Variants in DOCK3 observed in about 807,000 individuals in gnomAD.
The protein encoded by DOCK3 is dedicator of cytokinesis protein 3.
A neutral mutation model predicts 265.6 loss-of-function variants in DOCK3; 60 were observed. The observed-to-expected ratio is 0.23, with a 90% CI of 0.18 to 0.28. The LOEUF is 0.28. Ranked by LOEUF, DOCK3 falls within the 10% of genes least tolerant of loss-of-function variation. DOCK3 has a pLI of 1.00. For synonymous variants in DOCK3, 881 were observed against 938.0 expected, an observed-to-expected ratio of 0.94 and a Z score of 1.11; for missense variants, 1,981 against 2,594.3, an observed-to-expected ratio of 0.76 and a Z score of 5.14.
chr3:51,349,602 G>T (rs565791122), intron 39 of DOCK3, among the ~76,000 whole-genome samples: 1 of 152,318 alleles, frequency 6.6e-6, no homozygotes, highest in East Asian at 1.9e-4. Context: ...TGGCTTGATT[G>T]AATGCATTAT....
Position 51,381,034 on chromosome 3 carries a change from A to G in DOCK3, c.5584-16A>G. On this transcript the variant is annotated splice_polypyrimidine_tract_variant and intron_variant, in intron 52 of 52. Transcript: ENST00000266037. The surrounding 1 kb of genome is among the most constrained non-coding windows in gnomAD (Gnocchi z 5.6). ...TGGAGAGAGGGATTCTAACATGCCC[A>G]CCCTTTCCTTCGCAGTCTCCTCTCC... The G allele has an allele frequency of 1.3e-6, 2 of 1,567,708 alleles. No individual in the cohort carries two copies. The highest frequency in any genetic ancestry group is 3.4e-5 in the Admixed American group (2 of 58,222).
At chr3:50,927,258 A>G (rs566330921) in intron 4 of DOCK3, among the ~76,000 whole-genome samples, 1 of 152,246 alleles carries the variant, frequency 6.6e-6, no homozygotes, top group African/African-American at 2.4e-5. Flanking sequence ...TTAAAACTGG[A>G]TGCTCCCACA....
In DOCK3 at chr3:51,381,708, G is replaced by A. The variant is rs1376358143; in HGVS notation, c.*149G>A. ...ACCCCCAAGTCTCCGTTCTACTGCCGTGAACTCATGTGTTGCCATGTACAG... is the reference window on the plus strand; with the variant it reads ...ACCCCCAAGTCTCCGTTCTACTGCCATGAACTCATGTGTTGCCATGTACAG... On this transcript the variant is annotated 3_prime_UTR_variant, in exon 53 of 53. Coordinates refer to ENST00000266037, the MANE Select transcript of DOCK3 (RefSeq NM_004947.5). This position sits in a 1 kb window ranked among gnomAD's most constrained non-coding sequence, Gnocchi z 5.6. 35 of 1,090,890 alleles carry A rather than the reference G, an allele frequency of 3.2e-5. No individual in the cohort carries two copies. The highest frequency in any genetic ancestry group is 4.2e-5 in the Non-Finnish European group (33 of 792,902). 67.6% of individuals were successfully genotyped at this position (1,090,890 alleles called of 1,614,324 possible).
intron 23 of DOCK3, among the ~76,000 whole-genome samples, chr3:51,261,369 G>A (rs1369619091): frequency 7.2e-5 from 11 of 152,194 alleles, no homozygotes; most frequent in Non-Finnish European, 2.9e-5. Flanking sequence ...TTGAGGAACA[G>A]TGCATTCCGG....
chr3:51,298,053 A>T (rs1438676240), intron 27 of DOCK3, among the ~76,000 whole-genome samples: 1 of 152,228 alleles, frequency 6.6e-6, no homozygotes, highest in Non-Finnish European at 1.5e-5. Context: ...AACATTTCAT[A>T]GATTTTATTA....
intron 5 of DOCK3, among the ~76,000 whole-genome samples, chr3:50,995,544 T>C (rs1486130426): frequency 6.6e-6 from 1 of 152,214 alleles, no homozygotes; most frequent in Non-Finnish European, 1.5e-5. Flanking sequence ...CCCAGACCTT[T>C]AAGTGCTTAC....
chr3:51,310,201 G>T, intron 27 of DOCK3, 31 bp from the exon 28 acceptor site: 1 of 1,546,230 alleles, frequency 6.5e-7, no homozygotes, highest in South Asian at 1.2e-5. Context: ...TGTGGTGGTG[G>T]TGTCTCACAT....
intron 27 of DOCK3, among the ~76,000 whole-genome samples, chr3:51,309,624 CG>C (rs1560408169): frequency 3.3e-3 from 6 of 1,810 alleles, no homozygotes; most frequent in African/African-American, 0.012. Context: ...AGAGGGAGAG[CG>C]AGAGCGAGAG....
chr3:51,226,931 C>T (rs1036274875), intron 15 of DOCK3, among the ~76,000 whole-genome samples: 2 of 152,146 alleles, frequency 1.3e-5, no homozygotes, highest in Non-Finnish European at 2.9e-5. Flanking sequence ...TAAAATGTTA[C>T]ATAGAGTTGG....
intron 38 of DOCK3, among the ~76,000 whole-genome samples, chr3:51,348,028 G>C (rs1236678768): frequency 6.6e-6 from 1 of 152,174 alleles, no homozygotes; most frequent in Non-Finnish European, 1.5e-5. Flanking sequence ...ATCAGCTTAA[G>C]GAGATTTTGG....
intron 2 of DOCK3, among the ~76,000 whole-genome samples, chr3:50,824,344 G>A (rs886145615): frequency 3.9e-5 from 6 of 152,170 alleles, no homozygotes; most frequent in African/African-American, 1.2e-4. Flanking sequence ...GTGGGCTATT[G>A]GAAAAAGAAG....
intron 5 of DOCK3, among the ~76,000 whole-genome samples, chr3:51,009,986 T>A (rs187080273): frequency 3.3e-5 from 5 of 152,328 alleles, no homozygotes; most frequent in Admixed American, 2.6e-4. Flanking sequence ...TGAGAGACAG[T>A]TTGTTATAAT....
chr3:50,799,574 C>T (rs1445079117), intron 2 of DOCK3, among the ~76,000 whole-genome samples: 1 of 152,030 alleles, frequency 6.6e-6, no homozygotes, highest in Admixed American at 6.5e-5. Flanking sequence ...TGCAAGTTTA[C>T]TGAATTAGTT....
At chr3:51,106,080 A>G (rs1448733658) in intron 9 of DOCK3, among the ~76,000 whole-genome samples, 2 of 152,208 alleles carry the variant, frequency 1.3e-5, no homozygotes, top group African/African-American at 4.8e-5. Context: ...GTAGTGGAGC[A>G]TGGCCAGAGA....
At chr3:50,780,539 C>T (rs2108525019) in intron 2 of DOCK3, among the ~76,000 whole-genome samples, 1 of 152,188 alleles carries the variant, frequency 6.6e-6, no homozygotes, top group Admixed American at 6.5e-5. Context: ...GGGGAGGTGC[C>T]AGGCTCTGTT....
chr3:50,927,356 A>G (rs766583939), intron 4 of DOCK3, among the ~76,000 whole-genome samples: 15 of 152,218 alleles, frequency 9.9e-5, no homozygotes, highest in Non-Finnish European at 1.5e-4. Flanking sequence ...GTTTGATAGC[A>G]CAACAGGATG....
At chr3:51,150,790 G>A (rs1365145637) in intron 10 of DOCK3, among the ~76,000 whole-genome samples, 4 of 152,172 alleles carry the variant, frequency 2.6e-5, no homozygotes, top group Non-Finnish European at 5.9e-5. Context: ...GTGTGATGTG[G>A]TGCTGAGAAG....
intron 9 of DOCK3, among the ~76,000 whole-genome samples, chr3:51,139,261 A>G (rs9859499): frequency 0.88 from 131,288 of 149,004 alleles, 57,538 homozygotes; most frequent in East Asian, 0.93. Flanking sequence ...CAGTGGGGGG[A>G]GGGCTAAGAT....
intron 3 of DOCK3, among the ~76,000 whole-genome samples, chr3:50,850,254 G>T (rs1000980277): frequency 2.6e-4 from 40 of 151,932 alleles, no homozygotes; most frequent in African/African-American, 9.2e-4. Context: ...CAGCCACTAG[G>T]GGGGCTGAGG....
Sources: gnomAD v4.1 joint callset for allele counts (sites outside exome capture counted in the v4.1 genomes callset) on GRCh38, gnomAD v4.1.1 for gene constraint, Gnocchi (gnomAD v3.1) non-coding constraint, MANE v1.5 for transcripts, NCBI Gene and HGNC (gene_info 2026-07-23, HGNC 2026-07-21) for gene names.